The following TRIM54 variants were observed in gnomAD, a reference collection of about 807,000 sequenced individuals.
TRIM54 encodes the protein tripartite motif-containing protein 54.
Under a neutral mutation model 42.0 loss-of-function variants are expected in TRIM54, and 40 were observed. The ratio of observed to expected loss-of-function variants is 0.95; its 90% CI spans 0.74 to 1.24. TRIM54 has a LOEUF of 1.24. Ranked by LOEUF, TRIM54 falls within the 50% of genes most tolerant of loss-of-function variation. The probability of loss-of-function intolerance (pLI) is 0.00; values close to 1 mark genes in which losing one functional copy is unlikely to be tolerated. For synonymous variants in TRIM54, 199 were observed against 194.9 expected (o/e 1.02, Z -0.17); for missense variants, 485 against 480.3 (o/e 1.01, Z -0.09).
chr2:27,293,432 G>A (rs958010156), intron 1 of TRIM54, among the ~76,000 whole-genome samples: 3 of 152,124 alleles, frequency 2.0e-5, no homozygotes, highest in Non-Finnish European at 2.9e-5. Context: ...CGCAGAATCC[G>A]GTGATTTATC....
At chr2:27,284,186 T>C (rs1678493384) in intron 1 of TRIM54, among the ~76,000 whole-genome samples, 1 of 152,208 alleles carries the variant, frequency 6.6e-6, no homozygotes. Flanking sequence ...GCTGGTTTAG[T>C]ATGTGTGTCA....
chr2:27,294,256 A>C (rs1337957095), intron 1 of TRIM54, among the ~76,000 whole-genome samples: 1 of 151,808 alleles, frequency 6.6e-6, no homozygotes, highest in Admixed American at 6.6e-5. Context: ...AGCCTCCCAA[A>C]TACCTGGGAC....
At chr2:27,298,525 T>C in intron 1 of TRIM54, 42 bp from the exon 2 acceptor site, 1 of 1,570,518 alleles carries the variant, frequency 6.4e-7, no homozygotes, top group Non-Finnish European at 8.7e-7. Flanking sequence ...AGTCCCTTCA[T>C]GCCTCCCCGT....
chr2:27,304,878 T>A, intron 3 of TRIM54, 81 bp from the exon 4 acceptor site: 1 of 1,322,078 alleles, frequency 7.6e-7, no homozygotes, highest in East Asian at 2.4e-5. Flanking sequence ...GCCAGCCCTC[T>A]CCTAGGCAAC....
rs530193924 is a variant in TRIM54, at chr2:27,288,206, G to A, written c.168+5307G>A. ...TCTGAGTGTCTGGCTCACAGAACTT[G>A]GATGGTCCATCATTCATCACTGGCC... On this transcript the variant is annotated intron_variant, in intron 1 of 8. Coordinates refer to ENST00000380075, the MANE Select transcript of TRIM54 (RefSeq NM_187841.3). Among the ~76,000 whole-genome samples, 29 of 152,276 alleles carry A rather than the reference G, an allele frequency of 1.9e-4. 2 individuals are homozygous for A. The South Asian group carries it at 6.0e-3, about 32-fold the overall frequency.
At chr2:27,295,805 A>G (rs1248723821) in intron 1 of TRIM54, among the ~76,000 whole-genome samples, 1 of 152,194 alleles carries the variant, frequency 6.6e-6, no homozygotes, top group Non-Finnish European at 1.5e-5. Context: ...GAAAGACAGG[A>G]GACTGCAGCC....
Position 27,306,407 on chromosome 2 carries a change from T to C in TRIM54, c.992-49T>C, listed in dbSNP as rs987297943. 1 of 1,612,122 alleles carries C rather than the reference T, an allele frequency of 6.2e-7. No homozygotes were observed. The highest frequency in any genetic ancestry group is 8.5e-7 in the Non-Finnish European group (1 of 1,179,118). On this transcript the variant is annotated intron_variant, in intron 7 of 8. Transcript: ENST00000380075. This position sits in a 1 kb window ranked among gnomAD's most constrained non-coding sequence, Gnocchi z 6.1. ...TGTGTGGGGGGTGCGGCGGGCACGATGGCCGTAAAGGCAGGGACTCCACCT... is the reference window on the plus strand; with the variant it reads ...TGTGTGGGGGGTGCGGCGGGCACGACGGCCGTAAAGGCAGGGACTCCACCT...
intron 1 of TRIM54, among the ~76,000 whole-genome samples, chr2:27,292,191 T>G (rs535654925): frequency 5.9e-5 from 9 of 152,266 alleles, no homozygotes; most frequent in African/African-American, 2.2e-4. Flanking sequence ...CTCCCTCAGG[T>G]CAAGTCCTGA....
At chr2:27,292,005 G>A (rs765219925) in intron 1 of TRIM54, among the ~76,000 whole-genome samples, 28 of 152,156 alleles carry the variant, frequency 1.8e-4, no homozygotes, top group Non-Finnish European at 3.4e-4. Context: ...ACACACTCCC[G>A]ATTTCTCTCT....
chr2:27,294,414 C>T (rs2148194774), intron 1 of TRIM54, among the ~76,000 whole-genome samples: 2 of 152,274 alleles, frequency 1.3e-5, no homozygotes, highest in South Asian at 4.2e-4. Context: ...AGCCACCGTG[C>T]ACAGCCTGGC....
In TRIM54 at chr2:27,299,586, CT is replaced by C. The variant is rs1190566801; in HGVS notation, c.513+171del. 5 of 1,430,952 alleles carry C rather than the reference CT, an allele frequency of 3.5e-6. No individual in the cohort carries two copies. The African/African-American group carries it at 7.1e-5, about 20-fold the overall frequency. 88.6% of individuals were successfully genotyped at this position (1,430,952 alleles called of 1,614,324 possible). A position where few individuals can be genotyped will look rare whatever the true frequency, so the allele number is the denominator to read the frequency against. ...AGTGCAGTGGCACAAACACAACTTA[CT>C]GCAGCCTTGATCTCCCGAGCTCAAG... On this transcript the variant is annotated intron_variant, in intron 3 of 8. Coordinates refer to ENST00000380075, the MANE Select transcript of TRIM54 (RefSeq NM_187841.3).
chr2:27,300,553 C>A (rs1420958708), intron 3 of TRIM54, among the ~76,000 whole-genome samples: 1 of 150,362 alleles, frequency 6.7e-6, no homozygotes, highest in African/African-American at 2.4e-5. Flanking sequence ...GAGGATACTA[C>A]TAATAATAAT....
Position 27,286,115 on chromosome 2 carries a change from T to C in TRIM54, c.168+3216T>C, listed in dbSNP as rs76147177. Among the ~76,000 whole-genome samples the C allele has an allele frequency of 1.6e-3, 247 of 151,790 alleles. 11 individuals are homozygous for C. The East Asian group carries it at 0.046, about 29-fold the overall frequency. Reference sequence around the variant, plus strand: ...ACAGTATTAAGGGGTTGGGAGGAAATCATCCATAATCTTACCTCCCCAACA... The same window carrying C: ...ACAGTATTAAGGGGTTGGGAGGAAACCATCCATAATCTTACCTCCCCAACA... On this transcript the variant is annotated intron_variant, in intron 1 of 8. Coordinates refer to ENST00000380075, the MANE Select transcript of TRIM54 (RefSeq NM_187841.3).
At chr2:27,301,871 G>C (rs143718124) in intron 3 of TRIM54, among the ~76,000 whole-genome samples, 1 of 151,772 alleles carries the variant, frequency 6.6e-6, no homozygotes, top group Non-Finnish European at 1.5e-5. Context: ...TTAAAGTCAA[G>C]CAGGCCGGGC....
chr2:27,299,884 G>GTT (rs34347145), intron 3 of TRIM54, among the ~76,000 whole-genome samples: 1 of 148,940 alleles, frequency 6.7e-6, no homozygotes, highest in African/African-American at 2.5e-5. Context: ...TTGTTTTTTG[G>GTT]TTTTTTTTTG....
At chr2:27,297,344 T>C (rs943840261) in intron 1 of TRIM54, among the ~76,000 whole-genome samples, 4 of 152,212 alleles carry the variant, frequency 2.6e-5, no homozygotes, top group African/African-American at 9.6e-5. Flanking sequence ...GTCCAAATTC[T>C]TAGGAGAGAA....
intron 1 of TRIM54, among the ~76,000 whole-genome samples, chr2:27,283,788 A>ACG (rs2148185874): frequency 7.3e-6 from 1 of 136,146 alleles, no homozygotes; most frequent in Non-Finnish European, 1.6e-5. Context: ...ACGCGCGCAC[A>ACG]CACACACACA....
At chr2:27,292,303 T>A (rs1678740726) in intron 1 of TRIM54, among the ~76,000 whole-genome samples, 2 of 152,072 alleles carry the variant, frequency 1.3e-5, no homozygotes, top group Non-Finnish European at 2.9e-5. Context: ...TGGCATGGGG[T>A]CTCACCCCTG....
At chr2:27,288,141 G>T (rs1678628631) in intron 1 of TRIM54, among the ~76,000 whole-genome samples, 1 of 152,092 alleles carries the variant, frequency 6.6e-6, no homozygotes, top group South Asian at 2.1e-4. Context: ...CAAATGTCTG[G>T]TCTTCTGCCC....
Sources: allele counts gnomAD v4.1 joint callset (sites outside exome capture counted in the v4.1 genomes callset), GRCh38; gene constraint gnomAD v4.1.1; non-coding constraint Gnocchi (gnomAD v3.1); transcripts MANE v1.5; gene names NCBI Gene and HGNC (gene_info 2026-07-23, HGNC 2026-07-21).